Variants in CDC14B observed in about 807,000 individuals in gnomAD.
The protein encoded by CDC14B is dual specificity protein phosphatase CDC14B.
A neutral mutation model predicts 64.2 loss-of-function variants in CDC14B; 22 were observed. The ratio of observed to expected loss-of-function variants is 0.34; its 90% CI spans 0.24 to 0.49. The LOEUF is 0.49. CDC14B is among the 20% of genes least tolerant of loss of function. The pLI is 0.99. For missense variants in CDC14B, 498 were observed against 629.9 expected, an observed-to-expected ratio of 0.79 and a Z score of 2.24; for synonymous variants, 191 against 215.8, an observed-to-expected ratio of 0.89 and a Z score of 1.01.
At chr9:96,582,191 C>T (rs552414087) in intron 1 of CDC14B, among the ~76,000 whole-genome samples, 21 of 152,272 alleles carry the variant, frequency 1.4e-4, no homozygotes, top group African/African-American at 3.6e-4. Context: ...CTTTCCTCCC[C>T]GTCCAATTAG....
At chr9:96,570,032 A>G (rs73542921) in intron 1 of CDC14B, among the ~76,000 whole-genome samples, 4,340 of 152,276 alleles carry the variant, frequency 0.029, 189 homozygotes, top group African/African-American at 0.099. Context: ...TCCCTGTCGC[A>G]CCACATCATC....
chr9:96,508,771 T>C (rs954453159), intron 13 of CDC14B, among the ~76,000 whole-genome samples: 6 of 152,236 alleles, frequency 3.9e-5, no homozygotes, highest in African/African-American at 1.4e-4. Flanking sequence ...CTTGGGAGAC[T>C]GGCTGCTTTG....
chr9:96,522,511 A>T lies in CDC14B; in HGVS notation c.1338T>A (p.Pro446=), dbSNP rs192940805. ...SRRQSKTNAI[P]LTVILQSSVQ... Reference sequence around the variant, plus strand: ...ACAAAGGAACCCAGACTCACGTGAGAGGAATAGCGTTTGTTTTGGATTGTC... The same window carrying T: ...ACAAAGGAACCCAGACTCACGTGAGTGGAATAGCGTTTGTTTTGGATTGTC... The change falls in exon 12 of 14, where the codon CCT becomes CCA. Residue 446 remains proline (P), a synonymous_variant. Coordinates refer to ENST00000375241, the MANE Select transcript of CDC14B (RefSeq NM_033331.4). The T allele has an allele frequency of 6.2e-7, 1 of 1,604,586 alleles. No homozygotes were observed. Among genetic ancestry groups the T allele is most frequent in the African/African-American group, 1.3e-5 (1 of 74,854 alleles).
chr9:96,565,449 T>C lies in CDC14B; in HGVS notation c.195A>G (p.Pro65=). 1 of 1,612,368 alleles carries C rather than the reference T, an allele frequency of 6.2e-7. No individual in the cohort carries two copies. Among genetic ancestry groups the C allele is most frequent in the Non-Finnish European group, 8.5e-7 (1 of 1,178,504 alleles). Residue 65 remains proline, a synonymous_variant, in exon 2 of 14, where the codon CCA becomes CCG. Transcript: ENST00000375241. ...RLCFAILYSR[P]KSASNVHYFS... ...AATAATGTACATTTGATGCACTCTT[T>C]GGTCTGCTGTAGAGAATGGCAAAAC...
rs1462874896 is a variant in CDC14B, at chr9:96,509,699, A to C, written c.1434T>G (p.Ser478=). 6.2e-7 allele frequency: 1 copy of C among 1,609,852 alleles called. No homozygotes were observed. Among genetic ancestry groups the C allele is most frequent in the East Asian group, 2.2e-5 (1 of 44,832 alleles). Residue 478 remains serine, a synonymous_variant, in exon 13 of 14, where the codon TCT becomes TCG. Coordinates refer to ENST00000375241, the MANE Select transcript of CDC14B (RefSeq NM_033331.4). The stretch of plus-strand genomic sequence containing the variant: ...TTTTAACACTGCTTTTCCTTGAAGC[A>C]GATCTGGTGGTTCTTTTAGTAATGC... ...SAGITKRTTR[S]ASRKSSVKSL... is the part of the protein sequence containing the mutation.
At chr9:96,534,330 G>T in intron 8 of CDC14B, 125 bp downstream of exon 8, 1 of 798,438 alleles carries the variant, frequency 1.3e-6, no homozygotes, top group Non-Finnish European at 2.0e-6. Context: ...ATGATCTACT[G>T]AAGTGACCAA....
At chr9:96,579,621 T>C (rs1845020278) in intron 1 of CDC14B, among the ~76,000 whole-genome samples, 1 of 149,702 alleles carries the variant, frequency 6.7e-6, no homozygotes, top group African/African-American at 2.5e-5. Context: ...GAGCACTCTC[T>C]CCCACTGAAT....
chr9:96,534,337 C>T (rs74578272), intron 8 of CDC14B, 118 bp downstream of exon 8: 21,119 of 812,490 alleles, frequency 0.026, 362 homozygotes, highest in Middle Eastern at 0.039. Flanking sequence ...ACTGAAGTGA[C>T]CAAGTATGCT....
chr9:96,604,154 A>T (rs548878982), intron 1 of CDC14B, among the ~76,000 whole-genome samples: 1 of 152,204 alleles, frequency 6.6e-6, no homozygotes, highest in East Asian at 1.9e-4. Context: ...GTCACTCCAC[A>T]TTCACCGAAG....
chr9:96,506,723 A>G (rs1834174345), intron 13 of CDC14B, among the ~76,000 whole-genome samples: 1 of 152,206 alleles, frequency 6.6e-6, no homozygotes, highest in South Asian at 2.1e-4. Context: ...AGGACCCTCA[A>G]AGCATCCCTG....
intron 1 of CDC14B, among the ~76,000 whole-genome samples, chr9:96,576,144 T>C (rs1844788677): frequency 6.6e-6 from 1 of 151,588 alleles, no homozygotes; most frequent in Non-Finnish European, 1.5e-5. Context: ...CTGGGCATGG[T>C]GGCGGGCACC....
chr9:96,616,039 TA>T (rs1240616872), intron 1 of CDC14B, among the ~76,000 whole-genome samples: 7 of 152,212 alleles, frequency 4.6e-5, no homozygotes, highest in Non-Finnish European at 7.4e-5. Flanking sequence ...AAAAGATAAC[TA>T]ATCAGCTGCG....
chr9:96,559,192 T>G (rs972797883), intron 4 of CDC14B, among the ~76,000 whole-genome samples: 3 of 152,202 alleles, frequency 2.0e-5, no homozygotes, highest in Admixed American at 6.5e-5. Flanking sequence ...AAGGATTACC[T>G]CACACTCTCT....
Position 96,551,449 on chromosome 9 carries a change from G to A in CDC14B, c.497+347C>T, listed in dbSNP as rs4742674. Among the ~76,000 whole-genome samples, 848 of 152,148 alleles carry A rather than the reference G, an allele frequency of 5.6e-3. 6 individuals carry two copies. Among genetic ancestry groups the A allele is most frequent in the Middle Eastern group, 0.014 (4 of 294 alleles). On this transcript the variant is annotated intron_variant, in intron 5 of 13. Transcript: ENST00000375241. ...AGCTTAGTTTTCATCAATGGCAGTA[G>A]TTCTCAGCGTAGGGAGATTTTGCTC...
At chr9:96,564,496 G>C (rs867348537) in intron 3 of CDC14B, among the ~76,000 whole-genome samples, 3 of 152,140 alleles carry the variant, frequency 2.0e-5, no homozygotes, top group Non-Finnish European at 4.4e-5. Flanking sequence ...GACAATACGA[G>C]GTTCACTTAA....
At chr9:96,544,969 C>A (rs1016566502) in intron 5 of CDC14B, among the ~76,000 whole-genome samples, 3 of 152,134 alleles carry the variant, frequency 2.0e-5, no homozygotes, top group African/African-American at 4.8e-5. Context: ...GGTCCCCAGG[C>A]CAGCAGCACC....
At chr9:96,567,987 T>C (rs940662308) in intron 1 of CDC14B, among the ~76,000 whole-genome samples, 4 of 152,190 alleles carry the variant, frequency 2.6e-5, no homozygotes, top group Non-Finnish European at 4.4e-5. Context: ...AAATATATTC[T>C]AAACCTATGT....
chr9:96,503,818 C>T, intron 13 of CDC14B, 29 bp from the exon 14 acceptor site: 1 of 1,601,396 alleles, frequency 6.2e-7, no homozygotes, highest in Middle Eastern at 1.7e-4. Flanking sequence ...GGATTTTTAC[C>T]AGAAAGTTTA....
At chr9:96,584,348 C>T (rs1467683475) in intron 1 of CDC14B, among the ~76,000 whole-genome samples, 1 of 152,064 alleles carries the variant, frequency 6.6e-6, no homozygotes, top group African/African-American at 2.4e-5. Flanking sequence ...TGTGGATGAC[C>T]AGATTGGCTC....
Sources: allele counts gnomAD v4.1 joint callset (sites outside exome capture counted in the v4.1 genomes callset), GRCh38; gene constraint gnomAD v4.1.1; transcripts MANE v1.5; gene names NCBI Gene and HGNC (gene_info 2026-07-23, HGNC 2026-07-21).